The following LHFPL3 variants were observed in gnomAD, a reference collection of about 807,000 sequenced individuals.
The protein encoded by LHFPL3 is LHFPL tetraspan subfamily member 3 protein.
Under a neutral mutation model 19.3 loss-of-function variants are expected in LHFPL3, and 5 were observed. That is an observed-to-expected ratio of 0.26 (90% CI 0.14 to 0.54). The LOEUF is 0.54. Ranked by LOEUF, LHFPL3 falls within the 20% of genes least tolerant of loss-of-function variation. The probability of loss-of-function intolerance (pLI) is 0.94; values close to 1 mark genes in which losing one functional copy is unlikely to be tolerated. For synonymous variants in LHFPL3, 133 were observed against 126.2 expected (o/e 1.05, Z -0.36); for missense variants, 249 against 307.4 (o/e 0.81, Z 1.42).
intron 1 of LHFPL3, among the ~76,000 whole-genome samples, chr7:104,588,133 T>C (rs1790623471): frequency 2.6e-5 from 4 of 152,258 alleles, no homozygotes; most frequent in African/African-American, 7.2e-5. Context: ...AGATCCCATT[T>C]GTCAATTTCG....
At chr7:104,456,110 T>C (rs557077002) in intron 1 of LHFPL3, among the ~76,000 whole-genome samples, 12 of 152,300 alleles carry the variant, frequency 7.9e-5, no homozygotes, top group African/African-American at 2.9e-4. Context: ...AATGTGTCTT[T>C]TGCAATCTTA....
chr7:104,603,844 A>G (rs904660512), intron 1 of LHFPL3, among the ~76,000 whole-genome samples: 3 of 152,352 alleles, frequency 2.0e-5, no homozygotes, highest in Middle Eastern at 3.4e-3. Flanking sequence ...TGCTGGGCAC[A>G]CTGGGGTGGG....
At chr7:104,824,645 T>TAA in intron 2 of LHFPL3, among the ~76,000 whole-genome samples, 1 of 85,532 alleles carries the variant, frequency 1.2e-5, no homozygotes, top group African/African-American at 4.8e-5. Context: ...ATTTTATATA[T>TAA]TATATATAAT....
intron 1 of LHFPL3, among the ~76,000 whole-genome samples, chr7:104,499,337 T>C (rs567992221): frequency 2.6e-5 from 4 of 152,350 alleles, no homozygotes; most frequent in African/African-American, 9.6e-5. Context: ...ATGATTGATG[T>C]CAATGTGCTC....
At chr7:104,484,601 G>A (rs1793203641) in intron 1 of LHFPL3, among the ~76,000 whole-genome samples, 1 of 152,230 alleles carries the variant, frequency 6.6e-6, no homozygotes, top group South Asian at 2.1e-4. Flanking sequence ...GCAGGAGGGT[G>A]TCTTGGTCCA....
chr7:104,852,428 A>T (rs1025893040), intron 2 of LHFPL3, among the ~76,000 whole-genome samples: 6 of 152,226 alleles, frequency 3.9e-5, no homozygotes, highest in Non-Finnish European at 7.3e-5. Flanking sequence ...GTAGGGCAGT[A>T]GTAAAGAGAA....
At chr7:104,711,196 C>A (rs1382953279) in intron 1 of LHFPL3, among the ~76,000 whole-genome samples, 4 of 152,160 alleles carry the variant, frequency 2.6e-5, no homozygotes, top group African/African-American at 9.7e-5. Context: ...TCAAGTTGAT[C>A]ATCCATGTTT....
intron 1 of LHFPL3, among the ~76,000 whole-genome samples, chr7:104,348,728 G>A (rs1489971330): frequency 1.3e-5 from 2 of 152,250 alleles, no homozygotes; most frequent in East Asian, 1.9e-4. Context: ...TATAAAATCC[G>A]AAAGTTGAGC....
intron 1 of LHFPL3, among the ~76,000 whole-genome samples, chr7:104,374,595 G>T (rs544891400): frequency 6.6e-6 from 1 of 152,100 alleles, no homozygotes; most frequent in East Asian, 1.9e-4. Flanking sequence ...ACGGGTGGGA[G>T]ACACATGAAA....
intron 1 of LHFPL3, among the ~76,000 whole-genome samples, chr7:104,700,608 G>A (rs1380487939): frequency 6.6e-6 from 1 of 152,162 alleles, no homozygotes; most frequent in Non-Finnish European, 1.5e-5. Context: ...TTGCAAATAG[G>A]CTTTTGTGTT....
chr7:104,477,764 A>G (rs555356647), intron 1 of LHFPL3, among the ~76,000 whole-genome samples: 46 of 144,836 alleles, frequency 3.2e-4, no homozygotes, highest in African/African-American at 1.1e-3. Flanking sequence ...TAAAAAAAAA[A>G]AGAGAAAGGA....
chr7:104,804,005 A>G (rs531900282), intron 2 of LHFPL3: 3 of 152,324 alleles, frequency 2.0e-5, no homozygotes, highest in East Asian at 1.9e-4. Context: ...AAGACTCAAC[A>G]TATCTTTTGG....
chr7:104,374,011 C>T (rs143739320), intron 1 of LHFPL3, among the ~76,000 whole-genome samples: 186 of 152,120 alleles, frequency 1.2e-3, no homozygotes, highest in South Asian at 5.0e-3. Flanking sequence ...AAGTAAGTCA[C>T]GATACATAGG....
intron 1 of LHFPL3, among the ~76,000 whole-genome samples, chr7:104,614,022 T>C (rs972875758): frequency 2.0e-5 from 3 of 152,132 alleles, no homozygotes; most frequent in Non-Finnish European, 4.4e-5. Flanking sequence ...TTTCAAAGAA[T>C]TGGCTCCCAG....
intron 2 of LHFPL3, among the ~76,000 whole-genome samples, chr7:104,853,015 T>C (rs1791440740): frequency 6.6e-6 from 1 of 152,148 alleles, no homozygotes; most frequent in African/African-American, 2.4e-5. Flanking sequence ...GAGGGGAGGA[T>C]CATAGTTGAA....
At chr7:104,683,682 G>A (rs945746320) in intron 1 of LHFPL3, among the ~76,000 whole-genome samples, 2 of 152,180 alleles carry the variant, frequency 1.3e-5, no homozygotes, top group African/African-American at 4.8e-5. Flanking sequence ...GCAGTATAAT[G>A]ATGGCTCCTT....
rs562063633 is a variant in LHFPL3, at chr7:104,383,674, C to A, written c.445+54450C>A. Among the ~76,000 whole-genome samples the A allele has an allele frequency of 3.9e-5, 6 of 152,268 alleles. No individual in the cohort carries two copies. The South Asian group carries it at 1.2e-3, about 32-fold the overall frequency. On this transcript the variant is annotated intron_variant, in intron 1 of 2. Transcript: ENST00000424859. ...CAGTAAGGACCTTGTTGTAAGTTTGCTACTCTTTTTTTTAACAGTATTTAA... is the reference window on the plus strand; with the variant it reads ...CAGTAAGGACCTTGTTGTAAGTTTGATACTCTTTTTTTTAACAGTATTTAA...
At chr7:104,396,919 G>A (rs1054456475) in intron 1 of LHFPL3, among the ~76,000 whole-genome samples, 3 of 152,128 alleles carry the variant, frequency 2.0e-5, no homozygotes, top group Admixed American at 6.5e-5. Flanking sequence ...GCAGTGAGCC[G>A]AGATCGCAAC....
intron 1 of LHFPL3, among the ~76,000 whole-genome samples, chr7:104,509,366 G>A (rs1169624109): frequency 2.0e-5 from 3 of 151,922 alleles, no homozygotes; most frequent in Non-Finnish European, 2.9e-5. Context: ...AGAATTGAAC[G>A]ATATGTATAA....
Sources: gnomAD v4.1 joint callset for allele counts (sites outside exome capture counted in the v4.1 genomes callset) on GRCh38, gnomAD v4.1.1 for gene constraint, MANE v1.5 for transcripts, NCBI Gene and HGNC (gene_info 2026-07-23, HGNC 2026-07-21) for gene names.